Variants in ADCY9 observed in about 807,000 individuals in gnomAD.
ADCY9 encodes adenylate cyclase type 9.
A neutral mutation model predicts 101.5 loss-of-function variants in ADCY9; 50 were observed. The observed-to-expected ratio is 0.49, with a 90% CI of 0.39 to 0.62. The LOEUF (loss-of-function observed/expected upper bound fraction) is 0.62. ADCY9 is among the 20% of genes least tolerant of loss of function. ADCY9 has a pLI of 0.00. For synonymous variants in ADCY9, 905 were observed against 769.3 expected, an observed-to-expected ratio of 1.18 and a Z score of -2.92; for missense variants, 1,662 against 1,800.4, an observed-to-expected ratio of 0.92 and a Z score of 1.39.
chr16:4,072,072 A>C (rs2056838145), intron 2 of ADCY9, among the ~76,000 whole-genome samples: 1 of 152,200 alleles, frequency 6.6e-6, no homozygotes, highest in Non-Finnish European at 1.5e-5. Context: ...TGCATTCTGA[A>C]GACTGAAGAC....
At position 4,115,123 on chromosome 16, in the gene ADCY9, C is replaced by T. The variant is rs1401077456; in HGVS notation, c.320G>A (p.Arg107His). Reference protein sequence around the residue: ...SVNLEEACLERCFPQTQRRFR... With the variant: ...SVNLEEACLEHCFPQTQRRFR... Reference sequence around the variant, plus strand: ...CCGGCGCTGGGTCTGCGGGAAGCAGCGCTCCAGGCAGGCCTCCTCCAGGTT... The same window carrying T: ...CCGGCGCTGGGTCTGCGGGAAGCAGTGCTCCAGGCAGGCCTCCTCCAGGTT... The change falls in exon 2 of 11, where the codon CGC becomes CAC. Residue 107 changes from arginine (R) to histidine (H), a missense_variant. Around this residue, in one of 5 missense-constraint regions of ADCY9, gnomAD observed 422 missense variants for 392.0 expected, o/e 1.08. Transcript: ENST00000294016. The surrounding 1 kb of genome is among the most constrained non-coding windows in gnomAD (Gnocchi z 6.2). The T allele has an allele frequency of 1.2e-6, 2 of 1,613,826 alleles. No individual in the cohort carries two copies. Among genetic ancestry groups the T allele is most frequent in the Non-Finnish European group, 1.7e-6 (2 of 1,180,038 alleles).
intron 2 of ADCY9, among the ~76,000 whole-genome samples, chr16:4,053,658 C>G (rs547085642): frequency 2.2e-5 from 3 of 136,334 alleles, no homozygotes; most frequent in Non-Finnish European, 4.7e-5. Context: ...AACTGCCAAC[C>G]GGCAAGGTCA....
intron 4 of ADCY9, 115 bp downstream of exon 4, chr16:3,993,291 C>G (rs2239309): frequency 0.8 from 1,211,329 of 1,511,300 alleles, 491,805 homozygotes; most frequent in Non-Finnish European, 0.84. Context: ...GTGCGGAGTG[C>G]TGTTACCCAA....
chr16:4,089,448 T>C (rs2056960023), intron 2 of ADCY9, among the ~76,000 whole-genome samples: 1 of 151,996 alleles, frequency 6.6e-6, no homozygotes, highest in South Asian at 2.1e-4. Context: ...TTTGTTGATG[T>C]GTTACTTGTT....
intron 2 of ADCY9, among the ~76,000 whole-genome samples, chr16:4,093,951 A>G (rs2056988146): frequency 6.6e-6 from 1 of 152,210 alleles, no homozygotes; most frequent in Non-Finnish European, 1.5e-5. Context: ...CTTAATAGCT[A>G]CTAAATACAG....
At chr16:3,980,173 A>G (rs899820877) in intron 7 of ADCY9, among the ~76,000 whole-genome samples, 7 of 152,226 alleles carry the variant, frequency 4.6e-5, no homozygotes, top group Non-Finnish European at 4.4e-5. Flanking sequence ...AGCACCACGT[A>G]TTTCATTTTA....
chr16:3,984,900 A>G (rs1038892996), intron 6 of ADCY9, among the ~76,000 whole-genome samples: 39 of 151,964 alleles, frequency 2.6e-4, no homozygotes, highest in African/African-American at 8.9e-4. Context: ...TGCCTCGACC[A>G]CTCCCAGGAA....
intron 2 of ADCY9, among the ~76,000 whole-genome samples, chr16:4,009,960 G>A (rs2056392706): frequency 6.6e-6 from 1 of 152,214 alleles, no homozygotes. Flanking sequence ...GGTGGTGACA[G>A]GAGCCACTGA....
At chr16:4,073,321 A>AGGTG in intron 2 of ADCY9, among the ~76,000 whole-genome samples, 1 of 151,864 alleles carries the variant, frequency 6.6e-6, no homozygotes, top group African/African-American at 2.4e-5. Flanking sequence ...TCCTGGCCTC[A>AGGTG]AGTGATCAAC....
chr16:4,102,768 C>A (rs952708106), intron 2 of ADCY9, among the ~76,000 whole-genome samples: 1 of 152,100 alleles, frequency 6.6e-6, no homozygotes, highest in African/African-American at 2.4e-5. Flanking sequence ...GTCGCCCAGG[C>A]TGGAATGCAG....
intron 2 of ADCY9, among the ~76,000 whole-genome samples, chr16:4,061,322 C>T (rs1315031587): frequency 2.0e-5 from 3 of 152,118 alleles, no homozygotes; most frequent in African/African-American, 4.8e-5. Flanking sequence ...AAACTTCTCA[C>T]ATTTGATTTT....
At chr16:4,089,187 G>A (rs555988086) in intron 2 of ADCY9, among the ~76,000 whole-genome samples, 7 of 152,050 alleles carry the variant, frequency 4.6e-5, no homozygotes, top group East Asian at 1.9e-4. Context: ...TGATCCTCCC[G>A]CCTCAGCCTC....
Position 4,110,376 on chromosome 16 carries a change from C to CT in ADCY9, c.1693+3373dup, listed in dbSNP as rs1170090126. Among the ~76,000 whole-genome samples the CT allele has an allele frequency of 6.1e-3, 674 of 110,738 alleles. 45 individuals are homozygous for CT. The highest frequency in any genetic ancestry group is 0.012 in the African/African-American group (350 of 28,140). 72.6% of individuals were successfully genotyped at this position (110,738 alleles called of 152,430 possible). ...AGTTTTGCAATCATACTTATACCTA[C>CT]TTTTTTTTTTTTTTTTTTTTTTTTT... On this transcript the variant is annotated intron_variant, in intron 2 of 10. Coordinates refer to ENST00000294016, the MANE Select transcript of ADCY9 (RefSeq NM_001116.4).
chr16:4,082,623 CAT>C (rs1409439692), intron 2 of ADCY9, among the ~76,000 whole-genome samples: 5 of 151,218 alleles, frequency 3.3e-5, no homozygotes, highest in African/African-American at 7.3e-5. Context: ...CGCACACACA[CAT>C]GCAGGCACAC....
intron 2 of ADCY9, among the ~76,000 whole-genome samples, chr16:4,059,673 G>C (rs977270598): frequency 3.3e-5 from 5 of 151,940 alleles, no homozygotes; most frequent in Non-Finnish European, 7.4e-5. Flanking sequence ...CGAGGCAGGA[G>C]GATTGCTTGA....
intron 2 of ADCY9, among the ~76,000 whole-genome samples, chr16:4,105,476 A>G (rs1421322173): frequency 6.6e-6 from 1 of 151,002 alleles, no homozygotes; most frequent in African/African-American, 2.4e-5. Context: ...TTTTGACACC[A>G]GCCTGGCCAA....
chr16:4,059,626 G>T (rs2056762259), intron 2 of ADCY9, among the ~76,000 whole-genome samples: 1 of 152,126 alleles, frequency 6.6e-6, no homozygotes, highest in African/African-American at 2.4e-5. Context: ...AGCTGGGCAT[G>T]GTGGCTCCCA....
At chr16:4,049,999 C>T (rs1438543129) in intron 2 of ADCY9, among the ~76,000 whole-genome samples, 1 of 151,590 alleles carries the variant, frequency 6.6e-6, no homozygotes, top group East Asian at 1.9e-4. Context: ...CCACTATACT[C>T]CAGCCTGGGT....
intron 2 of ADCY9, among the ~76,000 whole-genome samples, chr16:4,087,024 G>T (rs560948604): frequency 6.6e-6 from 1 of 152,050 alleles, no homozygotes; most frequent in South Asian, 2.1e-4. Flanking sequence ...TGCCATCCTA[G>T]GAGCTCACCT....
Sources: allele counts gnomAD v4.1 joint callset (sites outside exome capture counted in the v4.1 genomes callset), GRCh38; gene constraint gnomAD v4.1.1; regional missense constraint gnomAD v4.1.1; non-coding constraint Gnocchi (gnomAD v3.1); transcripts MANE v1.5; gene names NCBI Gene and HGNC (gene_info 2026-07-23, HGNC 2026-07-21).